CAMSAP1: variants seen among roughly 807,000 people sequenced by gnomAD.
CAMSAP1 encodes the protein calmodulin regulated spectrin associated protein 1, also known as calmodulin-regulated spectrin-associated protein 1.
A neutral mutation model predicts 143.5 loss-of-function variants in CAMSAP1; 58 were observed. The ratio of observed to expected loss-of-function variants is 0.40; its 90% CI spans 0.33 to 0.50. CAMSAP1 has a LOEUF of 0.50. CAMSAP1 is among the 20% of genes least tolerant of loss of function. The probability of loss-of-function intolerance (pLI) is 0.45; values close to 1 mark genes in which losing one functional copy is unlikely to be tolerated. For missense variants in CAMSAP1, 1,969 were observed against 2,115.7 expected, an observed-to-expected ratio of 0.93 and a Z score of 1.36; for synonymous variants, 945 against 859.3, an observed-to-expected ratio of 1.10 and a Z score of -1.74.
At chr9:135,891,883 A>C (rs1306699455) in intron 1 of CAMSAP1, among the ~76,000 whole-genome samples, 1 of 152,246 alleles carries the variant, frequency 6.6e-6, no homozygotes, top group Non-Finnish European at 1.5e-5. Context: ...TCAGGACTAA[A>C]AAGTACAATG....
rs569126125 is a variant in CAMSAP1, at chr9:135,822,386, C to T, written c.2275G>A (p.Val759Met). The change falls in exon 11 of 17, where the codon GTG (valine) becomes ATG (methionine). Residue 759 changes from valine to methionine, a missense_variant. By Grantham distance (21) the Val-to-Met change is conservative. This residue lies in a region of CAMSAP1 where 1,390 missense variants were observed against 1,420.8 expected (regional missense o/e 0.98). Transcript: ENST00000389532. This position sits in a 1 kb window ranked among gnomAD's most constrained non-coding sequence, Gnocchi z 6.1. Reference sequence around the variant, plus strand: ...TCCCCAATGTATCTGCTGAAAACCACAGGATGGGCCTCACCCATGAAATCG... The same window carrying T: ...TCCCCAATGTATCTGCTGAAAACCATAGGATGGGCCTCACCCATGAAATCG... ...EHDFMGEAHP[V>M]VFSRYIGEEE... 1 of 1,614,022 alleles carries T rather than the reference C, an allele frequency of 6.2e-7. No individual in the cohort carries two copies. The highest frequency in any genetic ancestry group is 1.3e-5 in the African/African-American group (1 of 75,064).
chr9:135,820,966 C>A lies in CAMSAP1; in HGVS notation c.3695G>T (p.Ser1232Ile). The A allele has an allele frequency of 6.2e-7, 1 of 1,613,326 alleles. No individual in the cohort carries two copies. The change falls in exon 11 of 17, where the codon AGC becomes ATC. Residue 1232 changes from serine (S) to isoleucine (I), a missense_variant. Transcript: ENST00000389532. This position sits in a 1 kb window ranked among gnomAD's most constrained non-coding sequence, Gnocchi z 4.4. ...GTCGGAGAGGTCCACTTCAATGAGG[C>A]TGGCCCTGCTCCTCAGAGGCTCCTC... ...PVEEPLRSRA[S>I]LIEVDLSDLK...
rs1232083754 is a variant in CAMSAP1 at position 135,882,807 on chromosome 9, A to G, written c.423+9T>C. On this transcript the variant is annotated intron_variant, in intron 2 of 16. Transcript: ENST00000389532. The surrounding 1 kb of genome is among the most constrained non-coding windows in gnomAD (Gnocchi z 4.9). ...TGGCCCCTGGGGGCGGCCACCGCAG[A>G]CCACTCACCATTTTTATGGGTGCGC... 1 of 1,547,088 alleles carries G rather than the reference A, an allele frequency of 6.5e-7. No homozygotes were observed. The highest frequency in any genetic ancestry group is 1.4e-5 in the African/African-American group (1 of 72,970).
chr9:135,895,786 C>T (rs1838428022), intron 1 of CAMSAP1, among the ~76,000 whole-genome samples: 1 of 152,194 alleles, frequency 6.6e-6, no homozygotes, highest in Non-Finnish European at 1.5e-5. Flanking sequence ...AAGGTTTCCA[C>T]ATTTCACTGA....
At chr9:135,846,442 G>C (rs779895139) in intron 7 of CAMSAP1, among the ~76,000 whole-genome samples, 2 of 152,062 alleles carry the variant, frequency 1.3e-5, no homozygotes, top group Non-Finnish European at 2.9e-5. Flanking sequence ...AGAAAACCTA[G>C]GCAGTACCAT....
chr9:135,849,666 C>A (rs1467713199), intron 7 of CAMSAP1, among the ~76,000 whole-genome samples: 1 of 152,138 alleles, frequency 6.6e-6, no homozygotes, highest in Non-Finnish European at 1.5e-5. Flanking sequence ...TCTTTATCAT[C>A]TTTCAAGGAA....
intron 7 of CAMSAP1, among the ~76,000 whole-genome samples, chr9:135,846,011 A>G (rs779458012): frequency 2.0e-5 from 3 of 151,978 alleles, no homozygotes; most frequent in Non-Finnish European, 4.4e-5. Context: ...AATTTTAAAA[A>G]AACTACTTTA....
intron 1 of CAMSAP1, among the ~76,000 whole-genome samples, chr9:135,891,024 G>A (rs759270320): frequency 2.6e-5 from 4 of 152,200 alleles, no homozygotes; most frequent in Admixed American, 6.5e-5. Flanking sequence ...CCTGAAGAAG[G>A]AACCCAAAAC....
At chr9:135,832,110 C>T (rs769634351) in intron 7 of CAMSAP1, among the ~76,000 whole-genome samples, 9 of 152,100 alleles carry the variant, frequency 5.9e-5, no homozygotes, top group Non-Finnish European at 1.3e-4. Flanking sequence ...GACATAGACA[C>T]CAGAAGGAAA....
At chr9:135,867,171 G>A (rs1256613561) in intron 3 of CAMSAP1, among the ~76,000 whole-genome samples, 1 of 152,116 alleles carries the variant, frequency 6.6e-6, no homozygotes, top group African/African-American at 2.4e-5. Context: ...AGAGCTGAAT[G>A]CTTCGTCATC....
Position 135,821,822 on chromosome 9 carries a change from A to G in CAMSAP1, c.2839T>C (p.Cys947Arg). Residue 947 changes from cysteine (C) to arginine (R), a missense_variant, in exon 11 of 17, where the codon TGT becomes CGT. Cys to Arg is a radical substitution (Grantham distance 180). Coordinates refer to ENST00000389532, the MANE Select transcript of CAMSAP1 (RefSeq NM_015447.4). The surrounding 1 kb of genome is among the most constrained non-coding windows in gnomAD (Gnocchi z 4.6). ...KEYSQHNGEDCGDAVSKTEDF... is the reference protein window; with the variant it reads ...KEYSQHNGEDRGDAVSKTEDF... Reference sequence around the variant, plus strand: ...TCGGTTTTGGAAACAGCGTCCCCACAGTCCTCCCCGTTGTGCTGAGAGTAC... The same window carrying G: ...TCGGTTTTGGAAACAGCGTCCCCACGGTCCTCCCCGTTGTGCTGAGAGTAC... 3 of 1,613,982 alleles carry G rather than the reference A, an allele frequency of 1.9e-6. No individual in the cohort carries two copies. The highest frequency in any genetic ancestry group is 1.7e-6 in the Non-Finnish European group (2 of 1,179,874).
Position 135,818,109 on chromosome 9 carries a change from A to T in CAMSAP1, c.4169-30T>A. ...CAGAGACAGAAACAGACGACGGTTC[A>T]TGAACGGATTCCGACAGACAAGTAC... On this transcript the variant is annotated intron_variant, in intron 13 of 16. Transcript: ENST00000389532. This position sits in a 1 kb window ranked among gnomAD's most constrained non-coding sequence, Gnocchi z 7.7. 6 of 1,605,708 alleles carry T rather than the reference A, an allele frequency of 3.7e-6. No homozygotes were observed. The highest frequency in any genetic ancestry group is 5.1e-6 in the Non-Finnish European group (6 of 1,173,302).
intron 1 of CAMSAP1, among the ~76,000 whole-genome samples, chr9:135,884,765 T>C (rs1174261748): frequency 6.6e-6 from 1 of 152,174 alleles, no homozygotes; most frequent in South Asian, 2.1e-4. Flanking sequence ...CCTTACAAAC[T>C]GCTCAAGGAA....
chr9:135,837,357 T>C (rs1358706566), intron 7 of CAMSAP1, among the ~76,000 whole-genome samples: 2 of 151,144 alleles, frequency 1.3e-5, no homozygotes, highest in Non-Finnish European at 2.9e-5. Flanking sequence ...TCACGCACTT[T>C]CTACCGGTTC....
At position 135,876,924 on chromosome 9, in the gene CAMSAP1, G is replaced by A. The variant is rs149096688; in HGVS notation, c.585+4709C>T. On this transcript the variant is annotated intron_variant, in intron 3 of 16. Coordinates refer to ENST00000389532, the MANE Select transcript of CAMSAP1 (RefSeq NM_015447.4). ...CTTGGGAGGCTGAGGCAAGAGAATC[G>A]CTTGAACCCAGGAGGCTAAGGTTGC... Among the ~76,000 whole-genome samples the A allele has an allele frequency of 6.7e-3, 1,020 of 152,190 alleles. 6 individuals are homozygous for A. The highest frequency in any genetic ancestry group is 0.023 in the African/African-American group (944 of 41,520).
At chr9:135,844,008 G>A (rs1266228589) in intron 7 of CAMSAP1, among the ~76,000 whole-genome samples, 1 of 152,054 alleles carries the variant, frequency 6.6e-6, no homozygotes, top group Non-Finnish European at 1.5e-5. Flanking sequence ...AATAATAGTG[G>A]GAGACTTTAA....
chr9:135,887,703 G>A (rs1359528102), intron 1 of CAMSAP1, among the ~76,000 whole-genome samples: 1 of 152,194 alleles, frequency 6.6e-6, no homozygotes, highest in Admixed American at 6.5e-5. Flanking sequence ...GCAGGAGGCA[G>A]GGCATCTGCT....
At position 135,907,372 on chromosome 9, in the gene CAMSAP1, G is replaced by A. The variant is rs1838818943; in HGVS notation, c.-213C>T. On this transcript the variant is annotated 5_prime_UTR_variant, in exon 1 of 17. Transcript: ENST00000389532. The stretch of plus-strand genomic sequence containing the variant: ...CTGCGGGCGCTGAGCCCGAGCGGAG[G>A]AGGTGCCGAGCCCGCGGCCCAAAGA... 6.0e-6 allele frequency: 1 copy of A among 165,866 alleles called. No homozygotes were observed. The highest frequency in any genetic ancestry group is 1.7e-4 in the South Asian group (1 of 5,934). 10.3% of individuals were successfully genotyped at this position (165,866 alleles called of 1,614,324 possible).
chr9:135,864,527 G>A (rs1001264051), intron 4 of CAMSAP1, among the ~76,000 whole-genome samples: 2 of 152,110 alleles, frequency 1.3e-5, no homozygotes, highest in Non-Finnish European at 2.9e-5. Context: ...AATGGAGTAT[G>A]CATAAAGCCC....
Sources: allele counts gnomAD v4.1 joint callset (sites outside exome capture counted in the v4.1 genomes callset), GRCh38; gene constraint gnomAD v4.1.1; regional missense constraint gnomAD v4.1.1; non-coding constraint Gnocchi (gnomAD v3.1); transcripts MANE v1.5; gene names NCBI Gene and HGNC (gene_info 2026-07-23, HGNC 2026-07-21).